Variants in DISP1 observed in about 807,000 individuals in gnomAD.
DISP1 encodes dispatched RND transporter family member 1.
Under a neutral mutation model 37.3 loss-of-function variants are expected in DISP1, and 30 were observed. The observed-to-expected ratio is 0.80, with a 90% CI of 0.60 to 1.09. The LOEUF (loss-of-function observed/expected upper bound fraction) is 1.09, where lower values mean the gene tolerates loss of function less well. Ranked by LOEUF, DISP1 falls within the 50% of genes least tolerant of loss-of-function variation. DISP1 has a pLI of 0.00. For missense variants in DISP1, 1,598 were observed against 1,879.5 expected (o/e 0.85, Z 2.77); for synonymous variants, 634 against 690.2 (o/e 0.92, Z 1.28).
chr1:222,979,521 A>G, intron 3 of DISP1: 1 of 442,606 alleles, frequency 2.3e-6, no homozygotes, highest in Non-Finnish European at 4.7e-6. Context: ...AATTGGGTGA[A>G]TTATGTGGTA....
At chr1:222,967,741 A>G (rs1336538555) in intron 3 of DISP1, among the ~76,000 whole-genome samples, 2 of 152,204 alleles carry the variant, frequency 1.3e-5, no homozygotes, top group Non-Finnish European at 2.9e-5. Context: ...TTGCTTTGTA[A>G]GAAAGATCTA....
intron 1 of DISP1, among the ~76,000 whole-genome samples, chr1:222,912,230 AG>A (rs1043382950): frequency 9.2e-5 from 14 of 152,258 alleles, no homozygotes; most frequent in Non-Finnish European, 1.6e-4. Context: ...TGTTTGCAAG[AG>A]GGCTTAATCA....
Position 223,003,282 on chromosome 1 carries a change from G to A in DISP1, c.1885G>A (p.Ala629Thr), listed in dbSNP as rs973061591. The A allele has an allele frequency of 1.9e-6, 3 of 1,614,076 alleles. No individual in the cohort carries two copies. The highest frequency in any genetic ancestry group is 1.1e-5 in the South Asian group (1 of 91,094). Residue 629 changes from alanine (A) to threonine (T), a missense_variant, in exon 9 of 9, where the codon GCA (alanine) becomes ACA (threonine). By Grantham distance (58) the Ala-to-Thr change is moderately conservative. Coordinates refer to ENST00000675850, the MANE Select transcript of DISP1 (RefSeq NM_001377229.1). This position sits in a 1 kb window ranked among gnomAD's most constrained non-coding sequence, Gnocchi z 4.3. ...TGCTAACTATGTTAGCAACATTACA[G>A]CAATCCGATGCTTTGGGGTTTATGC... is the stretch of plus-strand genomic sequence containing the variant. ...FYANYVSNIT[A>T]IRCFGVYAGT...
At chr1:222,976,336 A>G (rs910161239) in intron 3 of DISP1, among the ~76,000 whole-genome samples, 2 of 152,130 alleles carry the variant, frequency 1.3e-5, no homozygotes, top group Non-Finnish European at 2.9e-5. Context: ...CTATGAAAGT[A>G]TGTAGTGGAC....
At chr1:222,936,884 A>ATAATTTATATATCATATATATGATATC in intron 2 of DISP1, among the ~76,000 whole-genome samples, 1 of 67,294 alleles carries the variant, frequency 1.5e-5, no homozygotes, top group Non-Finnish European at 2.8e-5. Context: ...TATATGATAT[A>ATAATTTATATATCATATATATGATATC]TATAATATAT....
chr1:222,943,339 G>A lies in DISP1; in HGVS notation c.509+7G>A. On this transcript the variant is annotated splice_region_variant and intron_variant, in intron 3 of 8. Transcript: ENST00000675850. ...AGCACATAGCCAACATAAGGTAAGT[G>A]ATCCGAAAGTTTTGCTTTTAGCATT... is the stretch of plus-strand genomic sequence containing the variant. 1.8e-5 allele frequency: 29 copies of A among 1,614,220 alleles called. No homozygotes were observed. The highest frequency in any genetic ancestry group is 2.4e-5 in the Non-Finnish European group (28 of 1,180,048).
intron 2 of DISP1, among the ~76,000 whole-genome samples, chr1:222,938,655 C>G (rs1359094038): frequency 6.9e-6 from 1 of 144,300 alleles, no homozygotes; most frequent in Non-Finnish European, 1.5e-5. Flanking sequence ...ATTGCTTGGG[C>G]CTGGGAGGTC....
intron 3 of DISP1, among the ~76,000 whole-genome samples, chr1:222,959,149 G>A (rs749209871): frequency 6.6e-6 from 1 of 152,046 alleles, no homozygotes; most frequent in Non-Finnish European, 1.5e-5. Flanking sequence ...TGAGTATAAA[G>A]AATTTTTTAA....
At chr1:222,923,575 T>C (rs1256227252) in intron 1 of DISP1, among the ~76,000 whole-genome samples, 3 of 152,122 alleles carry the variant, frequency 2.0e-5, no homozygotes, top group Admixed American at 2.0e-4. Context: ...AAGGAACTCA[T>C]AGTCAAATAG....
chr1:222,876,599 G>A (rs73128629), intron 1 of DISP1, among the ~76,000 whole-genome samples: 3,936 of 152,278 alleles, frequency 0.026, 186 homozygotes, highest in African/African-American at 0.088. Context: ...GAACAAAGTA[G>A]AGCTGTGTAT....
At chr1:222,891,473 G>T (rs1411136887) in intron 1 of DISP1, among the ~76,000 whole-genome samples, 1 of 152,036 alleles carries the variant, frequency 6.6e-6, no homozygotes, top group African/African-American at 2.4e-5. Context: ...GTCAAAAGTA[G>T]GCTAAAATTA....
intron 1 of DISP1, among the ~76,000 whole-genome samples, chr1:222,919,014 C>T (rs1182944487): frequency 6.6e-6 from 1 of 152,196 alleles, no homozygotes; most frequent in African/African-American, 2.4e-5. Context: ...TGTGCAACCA[C>T]GGAACTGGAG....
chr1:222,965,371 T>C (rs1194190155), intron 3 of DISP1, among the ~76,000 whole-genome samples: 4 of 152,192 alleles, frequency 2.6e-5, no homozygotes, highest in African/African-American at 9.7e-5. Context: ...TGTTGTTATT[T>C]TAAATATATT....
At chr1:222,965,640 C>T (rs1324399662) in intron 3 of DISP1, among the ~76,000 whole-genome samples, 3 of 152,074 alleles carry the variant, frequency 2.0e-5, no homozygotes, top group Non-Finnish European at 2.9e-5. Flanking sequence ...CATTTCTGCC[C>T]TCTTTCACAA....
Position 223,002,728 on chromosome 1 carries a change from A to T in DISP1, c.1331A>T (p.Tyr444Phe), listed in dbSNP as rs757971360. The change falls in exon 9 of 9, where the codon TAT becomes TTT. Residue 444 changes from tyrosine (Y) to phenylalanine (F), a missense_variant. Coordinates refer to ENST00000675850, the MANE Select transcript of DISP1 (RefSeq NM_001377229.1). ...KDFMTPKTAD[Y>F]ATPALKYSML... ...TTTATGACCCCAAAGACGGCTGACT[A>T]TGCCACGCCAGCTTTAAAATACAGC... 1 of 1,614,162 alleles carries T rather than the reference A, an allele frequency of 6.2e-7. No homozygotes were observed. The highest frequency in any genetic ancestry group is 1.7e-5 in the Admixed American group (1 of 60,020).
chr1:223,003,013 T>C lies in DISP1; in HGVS notation c.1616T>C (p.Leu539Ser), dbSNP rs752557133. 5.0e-6 allele frequency: 8 copies of C among 1,614,018 alleles called. No homozygotes were observed. Among genetic ancestry groups the C allele is most frequent in the Non-Finnish European group, 6.8e-6 (8 of 1,180,044 alleles). Residue 539 changes from leucine to serine, a missense_variant, in exon 9 of 9, where the codon TTG (leucine) becomes TCG (serine). Transcript: ENST00000675850. The surrounding 1 kb of genome is among the most constrained non-coding windows in gnomAD (Gnocchi z 4.3). ...ACAATGTTTGCAATAATCAGTTCTT[T>C]GATTGTTTCCTATTTTCTCTATCGT... ...LMTMFAIISS[L>S]IVSYFLYRVV...
chr1:222,884,648 G>A (rs1298633629), intron 1 of DISP1, among the ~76,000 whole-genome samples: 1 of 152,172 alleles, frequency 6.6e-6, no homozygotes, highest in Non-Finnish European at 1.5e-5. Flanking sequence ...AGGGGTATAT[G>A]GTGTCCGTAT....
intron 1 of DISP1, among the ~76,000 whole-genome samples, chr1:222,915,440 C>G (rs1390027628): frequency 6.6e-6 from 1 of 152,140 alleles, no homozygotes; most frequent in Non-Finnish European, 1.5e-5. Flanking sequence ...GTATAACATT[C>G]CTTCAGTGTG....
intron 3 of DISP1, among the ~76,000 whole-genome samples, chr1:222,969,490 A>T (rs965839658): frequency 2.0e-5 from 3 of 152,066 alleles, no homozygotes; most frequent in African/African-American, 7.2e-5. Flanking sequence ...ACAATTGGGG[A>T]TGTTTCCTAG....
Sources: gnomAD v4.1 joint callset for allele counts (sites outside exome capture counted in the v4.1 genomes callset) on GRCh38, gnomAD v4.1.1 for gene constraint, Gnocchi (gnomAD v3.1) non-coding constraint, MANE v1.5 for transcripts, NCBI Gene and HGNC (gene_info 2026-07-23, HGNC 2026-07-21) for gene names.